The following SUMF1 variants were observed in gnomAD, a reference collection of about 807,000 sequenced individuals.
The protein encoded by SUMF1 is formylglycine-generating enzyme.
A neutral mutation model predicts 47.6 loss-of-function variants in SUMF1; 48 were observed. That is an observed-to-expected ratio of 1.01 (90% CI 0.80 to 1.28). The LOEUF is 1.28. SUMF1 is among the 50% of genes most tolerant of loss of function. The pLI is 0.00. For missense variants in SUMF1, 571 were observed against 485.4 expected (o/e 1.18, Z -1.66); for synonymous variants, 230 against 192.1 (o/e 1.20, Z -1.63).
intron 7 of SUMF1, among the ~76,000 whole-genome samples, chr3:4,405,979 C>T (rs1701362037): frequency 6.6e-6 from 1 of 152,112 alleles, no homozygotes. Flanking sequence ...AGAGGAATAT[C>T]AGCAATCACT....
chr3:4,238,100 G>A (rs1264453502), intron 8 of SUMF1, among the ~76,000 whole-genome samples: 1 of 152,128 alleles, frequency 6.6e-6, no homozygotes, highest in African/African-American at 2.4e-5. Context: ...TCCCTGCAAA[G>A]GACAGAAACT....
chr3:4,445,082 G>A (rs1702734138), intron 3 of SUMF1, among the ~76,000 whole-genome samples: 1 of 152,192 alleles, frequency 6.6e-6, no homozygotes, highest in Non-Finnish European at 1.5e-5. Context: ...AGGGCTGATA[G>A]ATATGTTCTA....
chr3:4,149,008 T>C (rs1201528829), intron 8 of SUMF1, among the ~76,000 whole-genome samples: 1 of 135,296 alleles, frequency 7.4e-6, no homozygotes, highest in Non-Finnish European at 1.7e-5. Context: ...TATGCCCTGG[T>C]ACGAGAGAGA....
intron 8 of SUMF1, among the ~76,000 whole-genome samples, chr3:4,328,952 T>C (rs1698997773): frequency 6.6e-6 from 1 of 152,186 alleles, no homozygotes; most frequent in Non-Finnish European, 1.5e-5. Context: ...ATGAAGGGGC[T>C]ACAGGCTCCA....
intron 1 of SUMF1, among the ~76,000 whole-genome samples, chr3:4,458,763 G>A (rs1040610726): frequency 2.6e-5 from 4 of 152,134 alleles, no homozygotes; most frequent in Non-Finnish European, 4.4e-5. Context: ...GGCTGAGGCA[G>A]GAGAATGGCG....
intron 1 of SUMF1, among the ~76,000 whole-genome samples, chr3:4,462,575 T>C (rs576527584): frequency 1.3e-5 from 2 of 152,346 alleles, no homozygotes. Flanking sequence ...GATTTTTGTC[T>C]TGTACACAAA....
chr3:4,342,856 C>G (rs557079076), intron 8 of SUMF1, among the ~76,000 whole-genome samples: 7 of 152,214 alleles, frequency 4.6e-5, no homozygotes, highest in Non-Finnish European at 7.3e-5. Flanking sequence ...GTCCTAAAGT[C>G]TCCAGGCAGA....
At chr3:4,074,821 C>A (rs999097131) in intron 8 of SUMF1, among the ~76,000 whole-genome samples, 1 of 151,574 alleles carries the variant, frequency 6.6e-6, no homozygotes, top group Non-Finnish European at 1.5e-5. Context: ...GACCAATGAC[C>A]TGAAATGCTC....
intron 8 of SUMF1, among the ~76,000 whole-genome samples, chr3:4,200,521 G>C (rs1369955476): frequency 6.6e-6 from 1 of 152,112 alleles, no homozygotes; most frequent in African/African-American, 2.4e-5. Flanking sequence ...TGCACCAGCA[G>C]CTCTCTGGGT....
intron 8 of SUMF1, among the ~76,000 whole-genome samples, chr3:4,177,261 T>C (rs1694987064): frequency 6.6e-6 from 1 of 152,170 alleles, no homozygotes; most frequent in South Asian, 2.1e-4. Context: ...ACATCACAGT[T>C]ATTCTAAAAT....
chr3:4,251,083 C>T (rs1696792026), intron 8 of SUMF1, among the ~76,000 whole-genome samples: 1 of 152,106 alleles, frequency 6.6e-6, no homozygotes, highest in Non-Finnish European at 1.5e-5. Flanking sequence ...AATTGAAAGC[C>T]TTCTGGAAAG....
intron 8 of SUMF1, among the ~76,000 whole-genome samples, chr3:4,233,364 G>T (rs987912151): frequency 4.6e-5 from 7 of 152,106 alleles, no homozygotes; most frequent in African/African-American, 1.7e-4. Flanking sequence ...CTTGTAGGGA[G>T]TTTTGACCTA....
intron 9 of SUMF1, among the ~76,000 whole-genome samples, chr3:4,067,501 A>G (rs1262418314): frequency 6.6e-6 from 1 of 152,152 alleles, no homozygotes; most frequent in Non-Finnish European, 1.5e-5. Flanking sequence ...TAACTTGACT[A>G]TGTCATACCT....
intron 9 of SUMF1, among the ~76,000 whole-genome samples, chr3:4,054,579 T>C (rs1465042334): frequency 6.6e-6 from 1 of 152,102 alleles, no homozygotes; most frequent in East Asian, 1.9e-4. Flanking sequence ...CTTTACCCAC[T>C]ACCCTCCATT....
chr3:4,066,251 T>C (rs1695373679), intron 9 of SUMF1, among the ~76,000 whole-genome samples: 1 of 151,880 alleles, frequency 6.6e-6, no homozygotes, highest in African/African-American at 2.4e-5. Flanking sequence ...ATCAGTTCAG[T>C]CAACTTCCCA....
chr3:4,093,627 T>G, intron 8 of SUMF1, among the ~76,000 whole-genome samples: 1 of 151,996 alleles, frequency 6.6e-6, no homozygotes, highest in Non-Finnish European at 1.5e-5. Context: ...AATCTAAGAA[T>G]TGCAAATGGT....
intron 8 of SUMF1, among the ~76,000 whole-genome samples, chr3:4,202,711 A>C (rs946189007): frequency 6.6e-6 from 1 of 151,942 alleles, no homozygotes; most frequent in Non-Finnish European, 1.5e-5. Context: ...TGGATGTTTT[A>C]ACCATATTGG....
chr3:4,449,189 T>A (rs750974936), intron 3 of SUMF1, 77 bp downstream of exon 3: 2 of 1,475,364 alleles, frequency 1.4e-6, no homozygotes, highest in African/African-American at 1.4e-5. Flanking sequence ...AGGTGACACA[T>A]GTGGTTTGGA....
At chr3:4,227,653 T>C (rs1223574380) in intron 8 of SUMF1, among the ~76,000 whole-genome samples, 1 of 152,130 alleles carries the variant, frequency 6.6e-6, no homozygotes, top group Admixed American at 6.5e-5. Context: ...TCTCTAGCCA[T>C]TGCTCCTTTT....
Sources: gnomAD v4.1 joint callset for allele counts (sites outside exome capture counted in the v4.1 genomes callset) on GRCh38, gnomAD v4.1.1 for gene constraint, MANE v1.5 for transcripts, NCBI Gene and HGNC (gene_info 2026-07-23, HGNC 2026-07-21) for gene names.